The following KIF26B variants were observed in gnomAD, a reference collection of about 807,000 sequenced individuals.
KIF26B encodes kinesin family member 26B.
A neutral mutation model predicts 151.2 loss-of-function variants in KIF26B; 63 were observed. The ratio of observed to expected loss-of-function variants is 0.42; its 90% CI spans 0.34 to 0.51. The LOEUF is 0.51. KIF26B is among the 20% of genes least tolerant of loss of function. KIF26B has a pLI of 0.07. For missense variants in KIF26B, 2,813 were observed against 2,913.6 expected, an observed-to-expected ratio of 0.97 and a Z score of 0.79; for synonymous variants, 1,357 against 1,262.1, an observed-to-expected ratio of 1.08 and a Z score of -1.59.
At chr1:245,604,256 A>G (rs1214454179) in intron 6 of KIF26B, among the ~76,000 whole-genome samples, 2 of 152,220 alleles carry the variant, frequency 1.3e-5, no homozygotes, top group Admixed American at 1.3e-4. Flanking sequence ...ACCTGACGAC[A>G]ACAGTGCGAA....
intron 2 of KIF26B, among the ~76,000 whole-genome samples, chr1:245,266,770 G>A (rs1230815413): frequency 6.6e-6 from 1 of 152,150 alleles, no homozygotes; most frequent in African/African-American, 2.4e-5. Context: ...CTCCCAAAGT[G>A]CTGGGATTAC....
At chr1:245,249,389 G>A (rs760355083) in intron 2 of KIF26B, among the ~76,000 whole-genome samples, 21 of 152,102 alleles carry the variant, frequency 1.4e-4, no homozygotes, top group Non-Finnish European at 1.8e-4. Context: ...GTGAGGCACC[G>A]CGCCCAGCCA....
At chr1:245,331,593 G>A (rs1237263003) in intron 2 of KIF26B, among the ~76,000 whole-genome samples, 1 of 152,154 alleles carries the variant, frequency 6.6e-6, no homozygotes, top group Non-Finnish European at 1.5e-5. Context: ...ACTGTCCCTG[G>A]ATTGGTGGCT....
intron 2 of KIF26B, among the ~76,000 whole-genome samples, chr1:245,194,194 A>G (rs1457640074): frequency 2.0e-5 from 3 of 152,102 alleles, no homozygotes; most frequent in Non-Finnish European, 4.4e-5. Context: ...TCAGGTTTGG[A>G]GAGGCCTAAT....
intron 10 of KIF26B, among the ~76,000 whole-genome samples, chr1:245,675,369 G>C (rs2044345779): frequency 6.6e-6 from 1 of 152,168 alleles, no homozygotes; most frequent in African/African-American, 2.4e-5. Flanking sequence ...AAATCACATG[G>C]TTGATCCTTC....
chr1:245,376,750 C>A (rs1285502124), intron 3 of KIF26B, among the ~76,000 whole-genome samples: 1 of 152,136 alleles, frequency 6.6e-6, no homozygotes, highest in Non-Finnish European at 1.5e-5. Context: ...TGCAGCGGCA[C>A]AATCTTGGCT....
chr1:245,618,550 G>A (rs866755774), intron 9 of KIF26B, among the ~76,000 whole-genome samples: 1 of 148,970 alleles, frequency 6.7e-6, no homozygotes, highest in East Asian at 2.0e-4. Flanking sequence ...ACAGTGCTGG[G>A]GCTGTGTCTG....
At chr1:245,346,396 A>G (rs55938719) in intron 2 of KIF26B, among the ~76,000 whole-genome samples, 13,989 of 152,164 alleles carry the variant, frequency 0.092, 975 homozygotes, top group East Asian at 0.27. Context: ...TCACTGCTCC[A>G]TGATCATCCT....
At chr1:245,288,115 C>T (rs5013981) in intron 2 of KIF26B, among the ~76,000 whole-genome samples, 72,548 of 151,896 alleles carry the variant, frequency 0.48, 17,656 homozygotes, top group East Asian at 0.7. Context: ...ACTTTCGGAG[C>T]GAGCATTATT....
chr1:245,407,440 T>C (rs1674161127), intron 3 of KIF26B, among the ~76,000 whole-genome samples: 1 of 152,112 alleles, frequency 6.6e-6, no homozygotes, highest in Non-Finnish European at 1.5e-5. Context: ...TTTGTTTTTC[T>C]CTTTTTTCTT....
intron 2 of KIF26B, among the ~76,000 whole-genome samples, chr1:245,267,677 C>CACAA (rs1245668085): frequency 8.8e-6 from 1 of 113,522 alleles, no homozygotes; most frequent in Non-Finnish European, 1.8e-5. Context: ...CACACACACA[C>CACAA]ACACACAAAA....
intron 10 of KIF26B, among the ~76,000 whole-genome samples, chr1:245,680,003 G>C (rs1357797958): frequency 1.3e-5 from 2 of 152,058 alleles, no homozygotes; most frequent in Non-Finnish European, 1.5e-5. Context: ...CTGGGGAGGG[G>C]GTGGCCAGCG....
Position 245,686,371 on chromosome 1 carries a change from G to A in KIF26B, c.3388G>A (p.Gly1130Arg). 1 of 1,613,420 alleles carries A rather than the reference G, an allele frequency of 6.2e-7. No homozygotes were observed. Among genetic ancestry groups the A allele is most frequent in the Middle Eastern group, 1.6e-4 (1 of 6,062 alleles). The change falls in exon 12 of 15, where the codon GGA (glycine) becomes AGA (arginine). Residue 1130 changes from glycine to arginine, a missense_variant. Physicochemically the swap from Gly to Arg is moderately radical, Grantham distance 125. This residue lies in a region of KIF26B where 2,060 missense variants were observed against 2,088.6 expected (regional missense o/e 0.99). Coordinates refer to ENST00000407071, the MANE Select transcript of KIF26B (RefSeq NM_018012.4). The surrounding 1 kb of genome is among the most constrained non-coding windows in gnomAD (Gnocchi z 5.6). ...GCCCGAGGTGCGTACGCCCCCGGTT[G>A]GAATGAGCCCCCAGGTTTTGAAAAA... is the stretch of plus-strand genomic sequence containing the variant. Reference protein sequence around the residue: ...LQPEVRTPPVGMSPQVLKKSM... With the variant: ...LQPEVRTPPVRMSPQVLKKSM...
chr1:245,280,093 G>A lies in KIF26B; in HGVS notation c.466-86741G>A, dbSNP rs557109427. On this transcript the variant is annotated intron_variant, in intron 2 of 14. Coordinates refer to ENST00000407071, the MANE Select transcript of KIF26B (RefSeq NM_018012.4). ...CTTGAGGTCCAGATCAACCCCAGGA[G>A]GAGCCTAGCTGCTGCTCCCCATTGG... 1.6e-4 allele frequency among the ~76,000 whole-genome samples: 25 copies of A among 152,168 alleles called. No homozygotes were observed. The East Asian group carries it at 4.1e-3, about 25-fold the overall frequency.
rs555476696 is a variant in KIF26B, at chr1:245,474,504, C to G, written c.1166+54759C>G. Among the ~76,000 whole-genome samples the G allele has an allele frequency of 2.9e-4, 43 of 150,798 alleles. 2 individuals are homozygous for G. Among genetic ancestry groups the G allele is most frequent in the Non-Finnish European group, 4.7e-4 (32 of 67,468 alleles). On this transcript the variant is annotated intron_variant, in intron 4 of 14. Transcript: ENST00000407071. ...TTGGCTCACTGCAACCTCCACCTCC[C>G]TGGTTCCAGTGATTCTCCTGCCTCA...
At chr1:245,193,921 G>A (rs1263606208) in intron 2 of KIF26B, among the ~76,000 whole-genome samples, 1 of 152,238 alleles carries the variant, frequency 6.6e-6, no homozygotes, top group Non-Finnish European at 1.5e-5. Context: ...TCCATTGATC[G>A]TGTTAGGACC....
intron 2 of KIF26B, among the ~76,000 whole-genome samples, chr1:245,355,411 C>T (rs550934164): frequency 1.3e-5 from 2 of 152,092 alleles, no homozygotes; most frequent in African/African-American, 4.8e-5. Context: ...GCCTGGGCAA[C>T]ATGGCGAAAC....
intron 2 of KIF26B, among the ~76,000 whole-genome samples, chr1:245,338,862 G>C (rs747980281): frequency 6.6e-6 from 1 of 152,170 alleles, no homozygotes; most frequent in Non-Finnish European, 1.5e-5. Flanking sequence ...CTAGCAGTCA[G>C]AAGGATTCAG....
chr1:245,426,447 A>G lies in KIF26B; in HGVS notation c.1166+6702A>G, dbSNP rs1488095494. ...TCACTTTCTCCCACTGACTCCTCTAACTCCTTGCCGTCGGCCCAAACACAT... is the reference window on the plus strand; with the variant it reads ...TCACTTTCTCCCACTGACTCCTCTAGCTCCTTGCCGTCGGCCCAAACACAT... On this transcript the variant is annotated intron_variant, in intron 4 of 14. Transcript: ENST00000407071. Among the ~76,000 whole-genome samples the G allele has an allele frequency of 2.0e-5, 3 of 151,308 alleles. No homozygotes were observed. The East Asian group carries it at 5.8e-4, about 29-fold the overall frequency.
Sources: allele counts gnomAD v4.1 joint callset (sites outside exome capture counted in the v4.1 genomes callset), GRCh38; gene constraint gnomAD v4.1.1; regional missense constraint gnomAD v4.1.1; non-coding constraint Gnocchi (gnomAD v3.1); transcripts MANE v1.5; gene names NCBI Gene and HGNC (gene_info 2026-07-23, HGNC 2026-07-21).